Variants in ARHGAP25 observed in about 807,000 individuals in gnomAD.
ARHGAP25 encodes the protein Rho GTPase activating protein 25.
In ARHGAP25, 34 loss-of-function variants were observed where a neutral mutation model predicts 71.0. The observed-to-expected ratio is 0.48, with a 90% CI of 0.36 to 0.64. The LOEUF (loss-of-function observed/expected upper bound fraction) is 0.64, where lower values mean the gene tolerates loss of function less well. Among genes scored for constraint, ARHGAP25 ranks in the 30% least tolerant of loss-of-function variants. The pLI is 0.00. For missense variants in ARHGAP25, 706 were observed against 805.1 expected (o/e 0.88, Z 1.49); for synonymous variants, 282 against 296.5 (o/e 0.95, Z 0.50).
intron 4 of ARHGAP25, among the ~76,000 whole-genome samples, chr2:68,793,758 G>A (rs967840411): frequency 6.6e-6 from 1 of 151,972 alleles, no homozygotes; most frequent in Non-Finnish European, 1.5e-5. Flanking sequence ...GGCTATTTGA[G>A]CCCTTTTTTG....
chr2:68,731,266 G>A (rs1030997041), upstream of ARHGAP25, among the ~76,000 whole-genome samples: 1 of 151,892 alleles, frequency 6.6e-6, no homozygotes, highest in Non-Finnish European at 1.5e-5. Context: ...GTTTTTGTGC[G>A]TGCCCCATCT....
chr2:68,759,677 C>T (rs1185579380), intron 1 of ARHGAP25, among the ~76,000 whole-genome samples: 1 of 151,952 alleles, frequency 6.6e-6, no homozygotes, highest in Non-Finnish European at 1.5e-5. Context: ...GAACTAATAC[C>T]AGTCGCTTTG....
At chr2:68,811,324 G>A (rs574646657) in intron 5 of ARHGAP25, among the ~76,000 whole-genome samples, 2 of 152,324 alleles carry the variant, frequency 1.3e-5, no homozygotes, top group Admixed American at 1.3e-4. Context: ...GAGACAAATG[G>A]GTGGATTGCA....
chr2:68,732,107 G>A (rs996131041), upstream of ARHGAP25, among the ~76,000 whole-genome samples: 15 of 152,302 alleles, frequency 9.8e-5, no homozygotes, highest in South Asian at 2.9e-3. Flanking sequence ...AAGGCATTTG[G>A]CTCTTCATTT....
At chr2:68,728,714 T>C (rs1558600887) in intron 2 of ARHGAP25, among the ~76,000 whole-genome samples, 1 of 152,026 alleles carries the variant, frequency 6.6e-6, no homozygotes, top group Non-Finnish European at 1.5e-5. Context: ...CTGGGCAACA[T>C]AGTGAGACTC....
intron 4 of ARHGAP25, among the ~76,000 whole-genome samples, chr2:68,805,845 A>T (rs1680322561): frequency 6.6e-6 from 1 of 152,196 alleles, no homozygotes. Context: ...TAGGGATTGA[A>T]GTGCTGGGTG....
chr2:68,751,221 G>C (rs576659773), intron 1 of ARHGAP25, among the ~76,000 whole-genome samples: 1 of 152,288 alleles, frequency 6.6e-6, no homozygotes, highest in South Asian at 2.1e-4. Context: ...CACTCACCCA[G>C]CCAATGGGGG....
intron 1 of ARHGAP25, among the ~76,000 whole-genome samples, chr2:68,743,329 A>ACAAGTGGGTTGGTTACAGCATTGC (rs74743599): frequency 6.6e-6 from 1 of 151,946 alleles, no homozygotes; most frequent in African/African-American, 2.4e-5. Context: ...GATCACTTAC[A>ACAAGTGGGTTGGTTACAGCATTGC]TGTGGGTTAC....
chr2:68,819,432 C>T (rs1192687654), intron 9 of ARHGAP25, 113 bp downstream of exon 9: 3 of 1,053,962 alleles, frequency 2.8e-6, no homozygotes, highest in Admixed American at 1.9e-5. Flanking sequence ...GATGCAGTGG[C>T]AGTGGGCGCT....
chr2:68,795,601 G>A (rs1468987764), intron 4 of ARHGAP25, among the ~76,000 whole-genome samples: 4 of 152,164 alleles, frequency 2.6e-5, no homozygotes, highest in African/African-American at 9.6e-5. Context: ...TTGATTTCTA[G>A]TTTTATTCCA....
intron 1 of ARHGAP25, among the ~76,000 whole-genome samples, chr2:68,773,728 A>G (rs1677641857): frequency 6.6e-6 from 1 of 152,220 alleles, no homozygotes; most frequent in Non-Finnish European, 1.5e-5. Context: ...AAGCTTGATG[A>G]TGGAATGACA....
chr2:68,729,573 T>C (rs1002008618), intron 2 of ARHGAP25, among the ~76,000 whole-genome samples: 1 of 152,180 alleles, frequency 6.6e-6, no homozygotes, highest in Non-Finnish European at 1.5e-5. Flanking sequence ...AGTTCCACTA[T>C]TTAATAAAAA....
intron 2 of ARHGAP25, among the ~76,000 whole-genome samples, chr2:68,777,709 C>T (rs1052471569): frequency 6.6e-6 from 1 of 152,130 alleles, no homozygotes; most frequent in African/African-American, 2.4e-5. Flanking sequence ...TAAAATCCAA[C>T]ACTCATTTCA....
rs549997771 is a variant in ARHGAP25, at chr2:68,807,199, A to T, written c.467-74A>T. On this transcript the variant is annotated intron_variant, in intron 4 of 10. Transcript: ENST00000409202. ...AATAAAACCTGTGAAGACACAGGTG[A>T]CACAGAAAGTCAAGAAATAGTTCAT... 24 of 1,468,010 alleles carry T rather than the reference A, an allele frequency of 1.6e-5. No individual in the cohort carries two copies. The South Asian group carries it at 2.7e-4, about 16-fold the overall frequency. 90.9% of individuals were successfully genotyped at this position (1,468,010 alleles called of 1,614,324 possible).
chr2:68,812,756 GAAATCCC>G (rs1176370775), intron 5 of ARHGAP25, among the ~76,000 whole-genome samples: 1 of 152,182 alleles, frequency 6.6e-6, no homozygotes, highest in Non-Finnish European at 1.5e-5. Flanking sequence ...ATTGGCTACT[GAAATCCC>G]AGTGCTTGAC....
intron 2 of ARHGAP25, among the ~76,000 whole-genome samples, chr2:68,711,897 T>G (rs1316559872): frequency 6.6e-6 from 1 of 152,192 alleles, no homozygotes; most frequent in Non-Finnish European, 1.5e-5. Flanking sequence ...ATGTGCCACA[T>G]TTCTTTATCC....
chr2:68,793,482 CT>C (rs1679331990), intron 4 of ARHGAP25, among the ~76,000 whole-genome samples: 1 of 152,136 alleles, frequency 6.6e-6, no homozygotes, highest in Non-Finnish European at 1.5e-5. Context: ...CAGTTTCATT[CT>C]TCAGCATTTG....
chr2:68,825,041 AG>A (rs1682013195), intron 10 of ARHGAP25, among the ~76,000 whole-genome samples: 2 of 152,230 alleles, frequency 1.3e-5, no homozygotes, highest in Admixed American at 6.5e-5. Context: ...ACAGCCTGGC[AG>A]GGGGCCACCT....
intron 1 of ARHGAP25, among the ~76,000 whole-genome samples, chr2:68,754,619 A>G (rs1573442234): frequency 6.6e-6 from 1 of 152,346 alleles, no homozygotes; most frequent in East Asian, 1.9e-4. Flanking sequence ...CTGCTGGATC[A>G]TATGATAGGT....
Sources: gnomAD v4.1 joint callset for allele counts (sites outside exome capture counted in the v4.1 genomes callset) on GRCh38, gnomAD v4.1.1 for gene constraint, MANE v1.5 for transcripts, NCBI Gene and HGNC (gene_info 2026-07-23, HGNC 2026-07-21) for gene names.